ECM2: variants seen among roughly 807,000 people sequenced by gnomAD.
ECM2 encodes extracellular matrix protein 2, female organ and adipocyte specific.
In ECM2, 57 loss-of-function variants were observed where a neutral mutation model predicts 67.5. The observed-to-expected ratio is 0.84, with a 90% CI of 0.68 to 1.05. The LOEUF (loss-of-function observed/expected upper bound fraction) is 1.05, where lower values mean the gene tolerates loss of function less well. Ranked by LOEUF, ECM2 falls within the 50% of genes least tolerant of loss-of-function variation. The pLI, the probability that ECM2 is intolerant of heterozygous loss-of-function variation, is 0.00. For missense variants in ECM2, 741 were observed against 822.8 expected (o/e 0.90, Z 1.22); for synonymous variants, 258 against 294.5 (o/e 0.88, Z 1.27).
At chr9:92,543,261 CA>C in the ECM2 span, among the ~76,000 whole-genome samples, 1 of 152,052 alleles carries the variant, frequency 6.6e-6, no homozygotes, top group East Asian at 1.9e-4. Flanking sequence ...AACTTGAGGT[CA>C]GGAGTTCAAG....
At chr9:92,515,596 T>C (rs1847653279) in intron 3 of ECM2, among the ~76,000 whole-genome samples, 1 of 152,228 alleles carries the variant, frequency 6.6e-6, no homozygotes, top group Admixed American at 6.5e-5. Flanking sequence ...TTCTGTTCAC[T>C]GGGGCTATTG....
chr9:92,555,003 T>TTTG, the ECM2 span, among the ~76,000 whole-genome samples: 26,829 of 149,736 alleles, frequency 0.18, 3,021 homozygotes, highest in East Asian at 0.59. Flanking sequence ...GTCTGTATTG[T>TTTG]TTGTTGTTGT....
chr9:92,511,910 C>A, intron 5 of ECM2, 101 bp downstream of exon 5: 3 of 794,166 alleles, frequency 3.8e-6, no homozygotes, highest in East Asian at 2.7e-5. Context: ...AGAAGACTAC[C>A]AATTAGAAGC....
the ECM2 span, among the ~76,000 whole-genome samples, chr9:92,542,515 T>C: frequency 6.6e-6 from 1 of 152,066 alleles, no homozygotes; most frequent in African/African-American, 2.4e-5. Context: ...TTTCTTTTTT[T>C]TTTTTGAGAT....
At chr9:92,524,431 A>G (rs1368817908) in intron 1 of ECM2, among the ~76,000 whole-genome samples, 1 of 152,186 alleles carries the variant, frequency 6.6e-6, no homozygotes, top group African/African-American at 2.4e-5. Flanking sequence ...GGCCAGGGAC[A>G]AGAGAAACCT....
At chr9:92,501,223 C>T (rs1307424867) in intron 8 of ECM2, among the ~76,000 whole-genome samples, 170 bp from the exon 9 acceptor site, 1 of 152,168 alleles carries the variant, frequency 6.6e-6, no homozygotes, top group Non-Finnish European at 1.5e-5. Context: ...TAGTCTCTTG[C>T]ACCAAGCTGC....
chr9:92,517,608 A>G, intron 3 of ECM2, 79 bp downstream of exon 3: 2 of 1,568,164 alleles, frequency 1.3e-6, no homozygotes, highest in Non-Finnish European at 1.7e-6. Context: ...CATAATTTTA[A>G]TCTAAAATTA....
At chr9:92,512,191 G>A in intron 4 of ECM2, 65 bp from the exon 5 acceptor site, 1 of 1,031,596 alleles carries the variant, frequency 9.7e-7, no homozygotes, top group Non-Finnish European at 1.5e-6. Context: ...CACATGTATG[G>A]GCATGTGTGC....
intron 2 of ECM2, among the ~76,000 whole-genome samples, chr9:92,519,570 CTT>C (rs1847935912): frequency 6.6e-6 from 1 of 152,218 alleles, no homozygotes; most frequent in Non-Finnish European, 1.5e-5. Context: ...AAAGAACAAT[CTT>C]CAACAACTAG....
At chr9:92,505,435 G>T in intron 7 of ECM2, 98 bp downstream of exon 7, 1 of 1,113,414 alleles carries the variant, frequency 9.0e-7, no homozygotes, top group Non-Finnish European at 1.3e-6. Context: ...TGAAACTAGA[G>T]TTTAATTTAC....
At chr9:92,527,295 GCCCC>G (rs943851850) in intron 1 of ECM2, among the ~76,000 whole-genome samples, 18 of 152,124 alleles carry the variant, frequency 1.2e-4, no homozygotes, top group Admixed American at 5.2e-4. Context: ...ACAGGCATGA[GCCCC>G]CACACCTGGC....
At chr9:92,546,456 C>G in the ECM2 span, among the ~76,000 whole-genome samples, 3 of 152,166 alleles carry the variant, frequency 2.0e-5, no homozygotes, top group African/African-American at 7.2e-5. Context: ...TCTGCAGCTT[C>G]GCTCCTGAAG....
intron 1 of ECM2, among the ~76,000 whole-genome samples, chr9:92,524,155 T>C (rs756036894): frequency 1.1e-4 from 16 of 152,220 alleles, no homozygotes; most frequent in Non-Finnish European, 2.2e-4. Flanking sequence ...CCAGCCGTTT[T>C]CTGTTTTGTG....
intron 7 of ECM2, among the ~76,000 whole-genome samples, chr9:92,504,751 C>T (rs186861869): frequency 6.6e-6 from 1 of 152,240 alleles, no homozygotes; most frequent in East Asian, 1.9e-4. Context: ...GTTGCCCAGG[C>T]TACTCTCAAA....
Position 92,522,882 on chromosome 9 carries a change from A to G in ECM2, c.-16T>C. 5 of 1,579,942 alleles carry G rather than the reference A, an allele frequency of 3.2e-6. No individual in the cohort carries two copies. Among genetic ancestry groups the G allele is most frequent in the Non-Finnish European group, 4.3e-6 (5 of 1,168,916 alleles). On this transcript the variant is annotated 5_prime_UTR_variant, in exon 2 of 10. Transcript: ENST00000344604. ...CAATCTTCATGTTTGATTTTTTTCC[A>G]CCAGCCAATTTCTAGAATGAAACAA... is the stretch of plus-strand genomic sequence containing the variant.
At chr9:92,539,342 C>G (rs531729231), upstream of ECM2, among the ~76,000 whole-genome samples, 26 of 136,654 alleles carry the variant, frequency 1.9e-4, no homozygotes, top group East Asian at 3.4e-3. Flanking sequence ...CGCCTTCCCC[C>G]GCTCCCCCAC....
At chr9:92,499,980 G>A (rs1846573419) in intron 9 of ECM2, among the ~76,000 whole-genome samples, 1 of 152,170 alleles carries the variant, frequency 6.6e-6, no homozygotes, top group Admixed American at 6.5e-5. Flanking sequence ...AGTAGGGAAA[G>A]TGAGTCTTAA....
chr9:92,505,161 T>A (rs766959210), intron 7 of ECM2, among the ~76,000 whole-genome samples: 3 of 152,234 alleles, frequency 2.0e-5, no homozygotes, highest in Non-Finnish European at 2.9e-5. Context: ...TCTGTTACGG[T>A]TAATACCTGT....
intron 9 of ECM2, among the ~76,000 whole-genome samples, chr9:92,497,220 A>T (rs1269475381): frequency 6.6e-6 from 1 of 152,242 alleles, no homozygotes; most frequent in African/African-American, 2.4e-5. Flanking sequence ...ATGTCTATCA[A>T]TACGGAACTG....
Sources: allele counts gnomAD v4.1 joint callset (sites outside exome capture counted in the v4.1 genomes callset), GRCh38; gene constraint gnomAD v4.1.1; transcripts MANE v1.5; gene names NCBI Gene and HGNC (gene_info 2026-07-23, HGNC 2026-07-21).